LRBA: variants seen among roughly 807,000 people sequenced by gnomAD.
LRBA encodes lipopolysaccharide-responsive and beige-like anchor protein.
A neutral mutation model predicts 330.0 loss-of-function variants in LRBA; 176 were observed. The observed-to-expected ratio is 0.53, with a 90% confidence interval of 0.47 to 0.60. The LOEUF is 0.60. Among genes scored for constraint, LRBA ranks in the 20% least tolerant of loss-of-function variants. The probability of loss-of-function intolerance (pLI) is 0.00; values close to 1 mark genes in which losing one functional copy is unlikely to be tolerated. For missense variants in LRBA, 3,259 were observed against 3,444.8 expected (o/e 0.95, Z 1.35); for synonymous variants, 1,230 against 1,193.0 (o/e 1.03, Z -0.64).
intron 22 of LRBA, among the ~76,000 whole-genome samples, chr4:150,856,332 C>G (rs1751229481): frequency 6.6e-6 from 1 of 152,182 alleles, no homozygotes; most frequent in Non-Finnish European, 1.5e-5. Context: ...TGGGATCTCC[C>G]TTTCTACAGT....
intron 46 of LRBA, chr4:150,422,777 T>C (rs1749000342): frequency 7.0e-7 from 1 of 1,427,140 alleles, no homozygotes; most frequent in Admixed American, 1.8e-5. Flanking sequence ...CTGGGCACTG[T>C]TCTTTCTGGT....
intron 53 of LRBA, among the ~76,000 whole-genome samples, chr4:150,300,397 C>T (rs948775829): frequency 1.3e-5 from 2 of 151,780 alleles, no homozygotes; most frequent in African/African-American, 2.4e-5. Flanking sequence ...AGGTAATGTC[C>T]ACCATACTGC....
At chr4:150,656,960 T>A (rs1780250073) in intron 37 of LRBA, among the ~76,000 whole-genome samples, 1 of 152,188 alleles carries the variant, frequency 6.6e-6, no homozygotes. Flanking sequence ...GGCAAATATG[T>A]AACATATATA....
intron 40 of LRBA, among the ~76,000 whole-genome samples, chr4:150,508,182 A>T (rs890116870): frequency 7.0e-6 from 1 of 142,136 alleles, no homozygotes; most frequent in Non-Finnish European, 1.5e-5. Flanking sequence ...CATATGTAAC[A>T]AACCTGCAAA....
intron 47 of LRBA, among the ~76,000 whole-genome samples, chr4:150,399,427 C>T (rs41386148): frequency 0.13 from 19,803 of 152,122 alleles, 1,434 homozygotes; most frequent in Non-Finnish European, 0.17. Flanking sequence ...GAAGACTCAT[C>T]CATTTTTCAT....
intron 35 of LRBA, among the ~76,000 whole-genome samples, chr4:150,753,005 T>C (rs1733761175): frequency 6.6e-6 from 1 of 152,200 alleles, no homozygotes; most frequent in Non-Finnish European, 1.5e-5. Context: ...TTCAGCAGAT[T>C]TCTCTGCTGC....
At chr4:150,419,089 G>A (rs1748208348) in intron 46 of LRBA, among the ~76,000 whole-genome samples, 1 of 152,072 alleles carries the variant, frequency 6.6e-6, no homozygotes, top group African/African-American at 2.4e-5. Context: ...TAGAAGAAAG[G>A]TAACACTGCT....
At chr4:150,674,708 C>A (rs1270420127) in intron 37 of LRBA, among the ~76,000 whole-genome samples, 3 of 150,494 alleles carry the variant, frequency 2.0e-5, no homozygotes, top group African/African-American at 7.3e-5. Context: ...AAGACCCCAT[C>A]TCGACAAAAA....
At chr4:150,752,096 A>T (rs1454374072) in intron 35 of LRBA, among the ~76,000 whole-genome samples, 1 of 152,190 alleles carries the variant, frequency 6.6e-6, no homozygotes, top group African/African-American at 2.4e-5. Context: ...TAAATATAGT[A>T]ATTTCTTTAG....
intron 2 of LRBA, among the ~76,000 whole-genome samples, chr4:150,987,482 C>A (rs1022989409): frequency 6.6e-6 from 1 of 152,094 alleles, no homozygotes; most frequent in Non-Finnish European, 1.5e-5. Context: ...GCGGGCAGAC[C>A]ACTTAGTCCA....
Position 150,265,773 on chromosome 4 carries a change from T to C in LRBA, c.8508A>G (p.Leu2836=). The C allele has an allele frequency of 6.2e-7, 1 of 1,613,660 alleles. No homozygotes were observed. Among genetic ancestry groups the C allele is most frequent in the African/African-American group, 1.3e-5 (1 of 74,996 alleles). Residue 2836 remains leucine, a synonymous_variant, in exon 57 of 57, where the codon CTA becomes CTG. Transcript: ENST00000651943. ...GCCACCGGTTAAAGTCGTTGTAAAA[T>C]AGCACAATGCTTCCTGAAGCCATGC... ...ISGMASGSIV[L]FYNDFNRWHH...
intron 2 of LRBA, among the ~76,000 whole-genome samples, chr4:150,945,881 C>G (rs952193013): frequency 6.6e-6 from 1 of 151,780 alleles, no homozygotes; most frequent in Non-Finnish European, 1.5e-5. Flanking sequence ...CTCACTGCAA[C>G]CTCCGCCTCC....
At chr4:150,844,429 G>C (rs984371614) in intron 27 of LRBA, among the ~76,000 whole-genome samples, 4 of 151,950 alleles carry the variant, frequency 2.6e-5, no homozygotes, top group African/African-American at 7.3e-5. Flanking sequence ...GAAGGAAAAG[G>C]CATCACAGAA....
intron 42 of LRBA, among the ~76,000 whole-genome samples, chr4:150,479,310 G>A (rs773329587): frequency 8.6e-5 from 13 of 151,994 alleles, no homozygotes; most frequent in Non-Finnish European, 1.9e-4. Flanking sequence ...TTTAACTGTG[G>A]GAGAACATTA....
intron 13 of LRBA, among the ~76,000 whole-genome samples, chr4:150,902,726 C>T (rs1366683118): frequency 1.3e-5 from 2 of 152,132 alleles, no homozygotes; most frequent in African/African-American, 2.4e-5. Context: ...TTCATTCTTC[C>T]CTTGCTTTGT....
intron 35 of LRBA, among the ~76,000 whole-genome samples, chr4:150,750,771 T>C (rs1462198639): frequency 1.3e-5 from 2 of 152,112 alleles, no homozygotes. Flanking sequence ...TTACTGTAGG[T>C]ACGGCATATA....
intron 40 of LRBA, among the ~76,000 whole-genome samples, chr4:150,506,854 T>G (rs867465953): frequency 3.9e-5 from 6 of 152,222 alleles, no homozygotes; most frequent in Admixed American, 3.9e-4. Flanking sequence ...AAAATCTCCT[T>G]AAGCTGATAA....
intron 35 of LRBA, among the ~76,000 whole-genome samples, chr4:150,743,230 A>G (rs910092071): frequency 2.0e-5 from 3 of 152,178 alleles, no homozygotes; most frequent in Admixed American, 6.5e-5. Context: ...TTGGCCTTCC[A>G]GGGTGCTGGG....
intron 37 of LRBA, among the ~76,000 whole-genome samples, chr4:150,601,836 C>T (rs887449423): frequency 1.4e-5 from 2 of 146,624 alleles, no homozygotes; most frequent in Non-Finnish European, 3.1e-5. Flanking sequence ...GGACTACAGG[C>T]GCCTGCCACC....
Sources: gnomAD v4.1 joint callset for allele counts (sites outside exome capture counted in the v4.1 genomes callset) on GRCh38, gnomAD v4.1.1 for gene constraint, MANE v1.5 for transcripts, NCBI Gene and HGNC (gene_info 2026-07-23, HGNC 2026-07-21) for gene names.